FBXL17: variants seen among roughly 807,000 people sequenced by gnomAD.
The protein encoded by FBXL17 is F-box and leucine rich repeat protein 17.
In FBXL17, 22 loss-of-function variants were observed where a neutral mutation model predicts 66.2. That is an observed-to-expected ratio of 0.33 (90% confidence interval 0.24 to 0.47). The LOEUF is 0.47. Ranked by LOEUF, FBXL17 falls within the 20% of genes least tolerant of loss-of-function variation. The probability of loss-of-function intolerance (pLI) is 1.00; values close to 1 mark genes in which losing one functional copy is unlikely to be tolerated. For synonymous variants in FBXL17, 474 were observed against 400.5 expected (o/e 1.18, Z -2.19); for missense variants, 878 against 948.2 (o/e 0.93, Z 0.97).
At chr5:108,164,842 C>CT (rs2150010442) in intron 6 of FBXL17, among the ~76,000 whole-genome samples, 1 of 152,318 alleles carries the variant, frequency 6.6e-6, no homozygotes, top group South Asian at 2.1e-4. Context: ...GGCTCCAGAG[C>CT]TGATGCTCGT....
At chr5:108,094,090 TAA>T (rs1388061514) in intron 6 of FBXL17, among the ~76,000 whole-genome samples, 1 of 152,112 alleles carries the variant, frequency 6.6e-6, no homozygotes, top group East Asian at 1.9e-4. Context: ...GCTGCACAGT[TAA>T]AAAGTCTCGA....
At chr5:107,924,060 GTTTTTTT>G (rs34494908) in intron 7 of FBXL17, among the ~76,000 whole-genome samples, 2 of 107,578 alleles carry the variant, frequency 1.9e-5, no homozygotes, top group African/African-American at 4.2e-5. Flanking sequence ...TGAGCTTAGT[GTTTTTTT>G]TTTTTTTTTT....
At chr5:108,270,122 G>C (rs1757206417) in intron 4 of FBXL17, among the ~76,000 whole-genome samples, 2 of 152,058 alleles carry the variant, frequency 1.3e-5, no homozygotes, top group South Asian at 4.1e-4. Context: ...ACAATCTCCA[G>C]CATCTAAAAG....
At chr5:108,313,142 A>G (rs1248419745) in intron 4 of FBXL17, among the ~76,000 whole-genome samples, 2 of 152,120 alleles carry the variant, frequency 1.3e-5, no homozygotes, top group Non-Finnish European at 2.9e-5. Context: ...CATACTTATA[A>G]GAAGAGATGA....
chr5:108,043,197 G>A (rs1747118430), intron 6 of FBXL17, among the ~76,000 whole-genome samples: 1 of 151,914 alleles, frequency 6.6e-6, no homozygotes, highest in Admixed American at 6.6e-5. Context: ...CTATTAAAAG[G>A]GTCTTTCACA....
intron 6 of FBXL17, among the ~76,000 whole-genome samples, chr5:108,050,950 T>C (rs1327143241): frequency 2.0e-5 from 3 of 152,136 alleles, no homozygotes; most frequent in South Asian, 2.1e-4. Flanking sequence ...CAGAGAATAC[T>C]AGAAACACCT....
intron 6 of FBXL17, among the ~76,000 whole-genome samples, chr5:108,176,003 G>A (rs1752781341): frequency 6.6e-6 from 1 of 152,118 alleles, no homozygotes; most frequent in Non-Finnish European, 1.5e-5. Flanking sequence ...ACAACAATGA[G>A]TTATTTTAAT....
chr5:108,206,686 T>C (rs1407919571), intron 5 of FBXL17, among the ~76,000 whole-genome samples: 2 of 152,230 alleles, frequency 1.3e-5, no homozygotes, highest in Non-Finnish European at 2.9e-5. Flanking sequence ...ATCCATGTGA[T>C]AGTATGTATC....
chr5:108,060,746 C>T lies in FBXL17; in HGVS notation c.1746-39745G>A, dbSNP rs140414877. On this transcript the variant is annotated intron_variant, in intron 6 of 8. Coordinates refer to ENST00000542267, the MANE Select transcript of FBXL17 (RefSeq NM_001163315.3). ...CCCCCTCCCACACACAATCCTATGG[C>T]CTCCCTTCTCAGTGTAAACCAAACT... is the stretch of plus-strand genomic sequence containing the variant. 9.9e-5 allele frequency among the ~76,000 whole-genome samples: 15 copies of T among 152,190 alleles called. No homozygotes were observed. The East Asian group carries it at 2.7e-3, about 27-fold the overall frequency.
chr5:107,970,819 C>T (rs1752344033), intron 7 of FBXL17, among the ~76,000 whole-genome samples: 1 of 152,208 alleles, frequency 6.6e-6, no homozygotes, highest in Non-Finnish European at 1.5e-5. Context: ...CGGCCTTCAC[C>T]TGTTTTGCCA....
intron 7 of FBXL17, among the ~76,000 whole-genome samples, chr5:107,912,133 A>G (rs1749968509): frequency 6.6e-6 from 1 of 152,104 alleles, no homozygotes; most frequent in Admixed American, 6.6e-5. Context: ...GAAAATGAAT[A>G]CAGCTCAGGA....
intron 6 of FBXL17, among the ~76,000 whole-genome samples, chr5:108,118,248 C>T (rs1166633426): frequency 6.6e-6 from 1 of 152,214 alleles, no homozygotes; most frequent in Non-Finnish European, 1.5e-5. Flanking sequence ...CTTCCATCTT[C>T]AGATTCAAAC....
intron 5 of FBXL17, among the ~76,000 whole-genome samples, chr5:108,199,104 A>G (rs180724185): frequency 7.9e-5 from 12 of 152,304 alleles, no homozygotes; most frequent in African/African-American, 1.9e-4. Context: ...AAAAATAACA[A>G]TATCTAGTAT....
At chr5:107,999,426 A>G (rs1753620658) in intron 7 of FBXL17, among the ~76,000 whole-genome samples, 1 of 146,198 alleles carries the variant, frequency 6.8e-6, no homozygotes. Context: ...TTTGAAATTT[A>G]CTTTTTTTTT....
chr5:108,317,731 T>C (rs1759436860), intron 4 of FBXL17, among the ~76,000 whole-genome samples: 1 of 151,408 alleles, frequency 6.6e-6, no homozygotes, highest in African/African-American at 2.4e-5. Flanking sequence ...ATTACAAATA[T>C]TATCTTAAAA....
At chr5:108,256,647 C>T (rs1357619644) in intron 4 of FBXL17, among the ~76,000 whole-genome samples, 3 of 151,952 alleles carry the variant, frequency 2.0e-5, no homozygotes, top group Non-Finnish European at 4.4e-5. Context: ...GTATTTTCTC[C>T]ACCCAGACCC....
chr5:108,190,451 C>T (rs528669347), intron 5 of FBXL17, among the ~76,000 whole-genome samples: 1 of 152,276 alleles, frequency 6.6e-6, no homozygotes, highest in South Asian at 2.1e-4. Context: ...ATTTCTTAAA[C>T]CAACCCTTAC....
chr5:108,105,544 C>A (rs1282712013), intron 6 of FBXL17, among the ~76,000 whole-genome samples: 1 of 152,042 alleles, frequency 6.6e-6, no homozygotes, highest in Non-Finnish European at 1.5e-5. Context: ...GATACATACT[C>A]AAGTTATAAG....
intron 4 of FBXL17, among the ~76,000 whole-genome samples, chr5:108,276,906 C>T (rs990738327): frequency 6.6e-6 from 1 of 151,946 alleles, no homozygotes; most frequent in South Asian, 2.1e-4. Context: ...CCAATGCATA[C>T]CCTGGCTAAT....
Sources: allele counts gnomAD v4.1 joint callset (sites outside exome capture counted in the v4.1 genomes callset), GRCh38; gene constraint gnomAD v4.1.1; transcripts MANE v1.5; gene names NCBI Gene and HGNC (gene_info 2026-07-23, HGNC 2026-07-21).